CCDC6: variants seen among roughly 807,000 people sequenced by gnomAD.
The protein encoded by CCDC6 is coiled-coil domain-containing protein 6.
In CCDC6, 20 loss-of-function variants were observed where a neutral mutation model predicts 56.6. The ratio of observed to expected loss-of-function variants is 0.35; its 90% CI spans 0.25 to 0.51. The LOEUF (loss-of-function observed/expected upper bound fraction) is 0.51. Ranked by LOEUF, CCDC6 falls within the 20% of genes least tolerant of loss-of-function variation. The pLI is 0.95. For missense variants in CCDC6, 367 were observed against 601.1 expected (o/e 0.61, Z 4.07); for synonymous variants, 241 against 234.4 (o/e 1.03, Z -0.26).
chr10:59,808,650 G>A (rs1280314577), intron 5 of CCDC6, among the ~76,000 whole-genome samples: 1 of 152,220 alleles, frequency 6.6e-6, no homozygotes, highest in Non-Finnish European at 1.5e-5. Flanking sequence ...GTAGGCTGCT[G>A]TTCCATATTG....
chr10:59,893,199 G>C (rs780891157), intron 1 of CCDC6, among the ~76,000 whole-genome samples: 4 of 152,074 alleles, frequency 2.6e-5, no homozygotes, highest in African/African-American at 4.8e-5. Flanking sequence ...TACTTTTTGC[G>C]GGGGGAGGGA....
intron 3 of CCDC6, among the ~76,000 whole-genome samples, chr10:59,821,547 G>A (rs2070749732): frequency 6.6e-6 from 1 of 152,158 alleles, no homozygotes; most frequent in Non-Finnish European, 1.5e-5. Context: ...AGACCACAGA[G>A]TATCCCCAGG....
intron 3 of CCDC6, among the ~76,000 whole-genome samples, chr10:59,816,808 T>C (rs371374409): frequency 6.6e-6 from 1 of 152,184 alleles, no homozygotes. Context: ...ATCCTCAGTA[T>C]CTAGAATAAC....
intron 2 of CCDC6, among the ~76,000 whole-genome samples, chr10:59,838,465 T>C (rs914319933): frequency 6.6e-6 from 1 of 152,184 alleles, no homozygotes; most frequent in African/African-American, 2.4e-5. Context: ...ATTCAAGTCC[T>C]TCCATGATCC....
At chr10:59,874,556 G>T (rs2071261693) in intron 1 of CCDC6, among the ~76,000 whole-genome samples, 1 of 152,158 alleles carries the variant, frequency 6.6e-6, no homozygotes. Flanking sequence ...GCCTCAAGCT[G>T]TCTACATTTG....
intron 1 of CCDC6, among the ~76,000 whole-genome samples, chr10:59,890,080 C>G (rs2071410032): frequency 6.6e-6 from 1 of 152,196 alleles, no homozygotes; most frequent in Admixed American, 6.5e-5. Flanking sequence ...ACACTTCTCT[C>G]AGGAAGCTGA....
At chr10:59,862,668 T>C (rs543317989) in intron 1 of CCDC6, among the ~76,000 whole-genome samples, 23 of 151,776 alleles carry the variant, frequency 1.5e-4, no homozygotes, top group South Asian at 1.2e-3. Flanking sequence ...TAGAAGTTCA[T>C]AATCACCCTC....
intron 3 of CCDC6, among the ~76,000 whole-genome samples, chr10:59,818,124 T>C (rs1419632749): frequency 6.6e-6 from 1 of 152,140 alleles, no homozygotes; most frequent in Admixed American, 6.5e-5. Context: ...CTGTGGTTTG[T>C]GGGCCTATCT....
chr10:59,799,249 G>A (rs1202069057), intron 7 of CCDC6, among the ~76,000 whole-genome samples: 1 of 151,808 alleles, frequency 6.6e-6, no homozygotes, highest in Non-Finnish European at 1.5e-5. Context: ...TGGTCAACAC[G>A]GTGAAACCTT....
chr10:59,829,110 G>A (rs2070813523), intron 3 of CCDC6, among the ~76,000 whole-genome samples: 1 of 152,222 alleles, frequency 6.6e-6, no homozygotes, highest in Non-Finnish European at 1.5e-5. Flanking sequence ...CTAACTTTCA[G>A]TGAGATAAAC....
intron 3 of CCDC6, among the ~76,000 whole-genome samples, chr10:59,821,577 G>A (rs2070750025): frequency 6.6e-6 from 1 of 152,166 alleles, no homozygotes; most frequent in Non-Finnish European, 1.5e-5. Flanking sequence ...GATTAATCAA[G>A]CTGTGATTGC....
chr10:59,892,916 C>T (rs918098683), intron 1 of CCDC6, among the ~76,000 whole-genome samples: 6 of 151,938 alleles, frequency 3.9e-5, no homozygotes, highest in Middle Eastern at 3.4e-3. Flanking sequence ...TCCCGCTGCC[C>T]AGCACCAATA....
At chr10:59,873,444 A>C (rs1424418010) in intron 1 of CCDC6, among the ~76,000 whole-genome samples, 1 of 152,162 alleles carries the variant, frequency 6.6e-6, no homozygotes, top group Non-Finnish European at 1.5e-5. Flanking sequence ...AACTAGAAGA[A>C]TCACAGAAGG....
At chr10:59,806,650 C>CTCTGCTGCTTCTCTAATATAACCCTG (rs1218802725) in intron 6 of CCDC6, 2 of 363,370 alleles carry the variant, frequency 5.5e-6, no homozygotes, top group African/African-American at 4.1e-5. Context: ...CAAATGCAAA[C>CTCTGCTGCTTCTCTAATATAACCCTG]TCTGCTGCTT....
chr10:59,906,387 GCCCCGT>G lies in CCDC6; in HGVS notation c.32_37del (p.Asp11_Gly12del). 6.3e-7 allele frequency: 1 copy of G among 1,585,628 alleles called. No individual in the cohort carries two copies. Among genetic ancestry groups the G allele is most frequent in the Non-Finnish European group, 8.5e-7 (1 of 1,174,292 alleles). Reference sequence around the variant, plus strand: ...GGCCGAGCTGCTGCTGTTGCCCCCCGCCCCGTCCGTGTCGCTCTCGCTGGCGCTGTC... The same window carrying G: ...GGCCGAGCTGCTGCTGTTGCCCCCCGCCGTGTCGCTCTCGCTGGCGCTGTC... On this transcript the variant is annotated inframe_deletion, in exon 1 of 9. Coordinates refer to ENST00000263102, the MANE Select transcript of CCDC6 (RefSeq NM_005436.5).
At chr10:59,842,548 C>G (rs1018321123) in intron 2 of CCDC6, among the ~76,000 whole-genome samples, 1 of 151,924 alleles carries the variant, frequency 6.6e-6, no homozygotes, top group African/African-American at 2.4e-5. Context: ...TTGTATAAAC[C>G]CAGCATGGTC....
chr10:59,815,274 A>T (rs1489180560), intron 3 of CCDC6, among the ~76,000 whole-genome samples: 2 of 152,242 alleles, frequency 1.3e-5, no homozygotes, highest in Admixed American at 6.5e-5. Flanking sequence ...CACCAAATCC[A>T]CAATACTGGT....
intron 2 of CCDC6, among the ~76,000 whole-genome samples, chr10:59,834,379 A>G (rs564777204): frequency 4.6e-5 from 7 of 152,082 alleles, no homozygotes; most frequent in African/African-American, 1.7e-4. Flanking sequence ...CTAAAAATAC[A>G]AACAAACAAA....
At chr10:59,848,794 AC>A (rs2071014907) in intron 2 of CCDC6, among the ~76,000 whole-genome samples, 1 of 152,064 alleles carries the variant, frequency 6.6e-6, no homozygotes, top group South Asian at 2.1e-4. Flanking sequence ...GCTCACTGCA[AC>A]CTCTGCCTCC....
Sources: allele counts gnomAD v4.1 joint callset (sites outside exome capture counted in the v4.1 genomes callset), GRCh38; gene constraint gnomAD v4.1.1; transcripts MANE v1.5; gene names NCBI Gene and HGNC (gene_info 2026-07-23, HGNC 2026-07-21).